Variants in SORCS2 observed in about 807,000 individuals in gnomAD.
The protein encoded by SORCS2 is VPS10 domain-containing receptor SorCS2.
SORCS2 carries 100 observed loss-of-function variants against 141.6 expected under a neutral mutation model. The observed-to-expected ratio is 0.71, with a 90% confidence interval of 0.60 to 0.83. SORCS2 has a LOEUF of 0.83. Ranked by LOEUF, SORCS2 falls within the 40% of genes least tolerant of loss-of-function variation. The pLI is 0.00. For synonymous variants in SORCS2, 789 were observed against 676.9 expected, an observed-to-expected ratio of 1.17 and a Z score of -2.57; for missense variants, 1,646 against 1,560.2, an observed-to-expected ratio of 1.05 and a Z score of -0.93.
Position 7,571,322 on chromosome 4 carries a change from GAGA to G in SORCS2, c.648+39699_648+39701del, listed in dbSNP as rs1715376521. On this transcript the variant is annotated intron_variant, in intron 3 of 26. Transcript: ENST00000507866. ...AGAAGCAGGACCCCTGTGCCCGGTG[GAGA>G]AGAAGGGAAAGGGCATCCTGGGTGG... Among the ~76,000 whole-genome samples the G allele has an allele frequency of 2.0e-5, 3 of 152,224 alleles. 1 individual carries two copies. The South Asian group carries it at 6.2e-4, about 32-fold the overall frequency.
chr4:7,707,667 G>A (rs1360235621), intron 14 of SORCS2, among the ~76,000 whole-genome samples: 1 of 152,230 alleles, frequency 6.6e-6, no homozygotes, highest in African/African-American at 2.4e-5. Flanking sequence ...GCTCCAGGAG[G>A]GACTGGTTCT....
intron 3 of SORCS2, among the ~76,000 whole-genome samples, chr4:7,565,520 A>G (rs1291210084): frequency 6.6e-6 from 1 of 152,226 alleles, no homozygotes; most frequent in African/African-American, 2.4e-5. Context: ...GATGATGATT[A>G]TGATAAAGAA....
At chr4:7,694,816 G>A (rs1345785075) in intron 11 of SORCS2, among the ~76,000 whole-genome samples, 4 of 152,078 alleles carry the variant, frequency 2.6e-5, no homozygotes, top group Non-Finnish European at 4.4e-5. Flanking sequence ...GCACCTGCCC[G>A]GGTCCACATT....
intron 2 of SORCS2, among the ~76,000 whole-genome samples, chr4:7,403,721 C>T (rs1168898974): frequency 2.0e-5 from 3 of 151,274 alleles, no homozygotes; most frequent in Non-Finnish European, 2.9e-5. Flanking sequence ...TCATTTAATT[C>T]CATAATCTTT....
intron 1 of SORCS2, among the ~76,000 whole-genome samples, chr4:7,274,630 T>A (rs1053013883): frequency 6.6e-6 from 1 of 152,176 alleles, no homozygotes; most frequent in Non-Finnish European, 1.5e-5. Flanking sequence ...TCTGTCCCCA[T>A]GATCCAATCA....
At chr4:7,707,046 C>T (rs1373968244) in intron 14 of SORCS2, among the ~76,000 whole-genome samples, 2 of 152,198 alleles carry the variant, frequency 1.3e-5, no homozygotes, top group Non-Finnish European at 2.9e-5. Context: ...GTACCTTGAG[C>T]AAAACCTGTG....
rs1722389955 is a variant in SORCS2 at position 7,664,601 on chromosome 4, C to T, written c.1071+130C>T. 1.5e-6 allele frequency: 1 copy of T among 662,302 alleles called. No individual in the cohort carries two copies. Among genetic ancestry groups the T allele is most frequent in the Non-Finnish European group, 2.6e-6 (1 of 387,918 alleles). The allele number at this position is 662,302 out of a possible 1,614,324, so 41.0% of individuals were successfully genotyped here. A position where few individuals can be genotyped will look rare whatever the true frequency, so the allele number is the denominator to read the frequency against. Reference sequence around the variant, plus strand: ...TATTTCACTCTCAAATGCTACTTCGCAGGTCACGGTTTCTGACCGTGGCTG... The same window carrying T: ...TATTTCACTCTCAAATGCTACTTCGTAGGTCACGGTTTCTGACCGTGGCTG... On this transcript the variant is annotated intron_variant, in intron 7 of 26. Coordinates refer to ENST00000507866, the MANE Select transcript of SORCS2 (RefSeq NM_020777.3). This position sits in a 1 kb window ranked among gnomAD's most constrained non-coding sequence, Gnocchi z 4.7.
chr4:7,725,421 C>A, intron 20 of SORCS2, 134 bp downstream of exon 20: 3 of 1,309,008 alleles, frequency 2.3e-6, no homozygotes, highest in Non-Finnish European at 2.0e-6. Flanking sequence ...TTGGGCCCCT[C>A]CTGGGGCAGT....
intron 2 of SORCS2, among the ~76,000 whole-genome samples, chr4:7,496,400 A>G (rs1731617589): frequency 6.7e-6 from 1 of 149,216 alleles, no homozygotes; most frequent in African/African-American, 2.5e-5. Flanking sequence ...GCCCCCAGGA[A>G]TTAGAACTTT....
At chr4:7,360,796 C>G (rs3916115) in intron 1 of SORCS2, among the ~76,000 whole-genome samples, 150,642 of 151,620 alleles carry the variant, frequency 0.99, 74,845 homozygotes, top group Middle Eastern at 1. Context: ...TGTTGCCAAG[C>G]CTGGTCTCGA....
Position 7,704,225 on chromosome 4 carries a change from C to T in SORCS2, c.1809C>T (p.Ser603=). ...CCTGGAGCACGCACAACTTCACCAG[C>T]ACCTCGGTGTTTGTGGACGGGCTGC... is the stretch of plus-strand genomic sequence containing the variant. ...GLTWSTHNFT[S]TSVFVDGLLS... Residue 603 remains serine, a synonymous_variant, in exon 14 of 27, where the codon AGC becomes AGT. Coordinates refer to ENST00000507866, the MANE Select transcript of SORCS2 (RefSeq NM_020777.3). 1 of 1,613,238 alleles carries T rather than the reference C, an allele frequency of 6.2e-7. No homozygotes were observed. The highest frequency in any genetic ancestry group is 8.5e-7 in the Non-Finnish European group (1 of 1,179,700).
In SORCS2 at chr4:7,407,676, T is replaced by C. The variant is rs113140036; in HGVS notation, c.548+11321T>C. The stretch of plus-strand genomic sequence containing the variant: ...ATTGGAAAATCGAGGTCACTTACAT[T>C]CAGTACTATTATTCATAAGTAAGGA... On this transcript the variant is annotated intron_variant, in intron 2 of 26. Coordinates refer to ENST00000507866, the MANE Select transcript of SORCS2 (RefSeq NM_020777.3). 3.2e-3 allele frequency among the ~76,000 whole-genome samples: 492 copies of C among 152,252 alleles called. 2 individuals carry two copies. Among genetic ancestry groups the C allele is most frequent in the Non-Finnish European group, 4.4e-3 (297 of 67,974 alleles).
At chr4:7,354,565 G>T (rs561308685) in intron 1 of SORCS2, among the ~76,000 whole-genome samples, 1 of 152,374 alleles carries the variant, frequency 6.6e-6, no homozygotes, top group African/African-American at 2.4e-5. Context: ...CTCTGAGCTC[G>T]TGTCCTCTTT....
intron 2 of SORCS2, among the ~76,000 whole-genome samples, chr4:7,401,763 C>T (rs1724608370): frequency 6.6e-6 from 1 of 152,162 alleles, no homozygotes; most frequent in African/African-American, 2.4e-5. Context: ...TGCATTTGAC[C>T]TCAAGCAGGA....
intron 3 of SORCS2, among the ~76,000 whole-genome samples, chr4:7,560,509 C>T (rs963071117): frequency 6.6e-6 from 1 of 152,122 alleles, no homozygotes; most frequent in Non-Finnish European, 1.5e-5. Context: ...TCCCGGGAAC[C>T]ATGTGGAAGA....
Position 7,491,228 on chromosome 4 carries a change from C to T in SORCS2, c.549-40302C>T, listed in dbSNP as rs563206203. 1.4e-4 allele frequency among the ~76,000 whole-genome samples: 22 copies of T among 152,318 alleles called. No homozygotes were observed. In the South Asian group the frequency reaches 4.3e-3, roughly 30 times the overall value. ...GCCTTGGCACATGCTGTTCCCTTTG[C>T]CCTCTCACCTGAGTAACCCATGCTC... On this transcript the variant is annotated intron_variant, in intron 2 of 26. Coordinates refer to ENST00000507866, the MANE Select transcript of SORCS2 (RefSeq NM_020777.3).
chr4:7,472,600 C>A (rs1211282333), intron 2 of SORCS2, among the ~76,000 whole-genome samples: 1 of 152,142 alleles, frequency 6.6e-6, no homozygotes, highest in Non-Finnish European at 1.5e-5. Flanking sequence ...CCTCCTGCCC[C>A]CTGCCGAATG....
At chr4:7,466,539 G>A (rs779687896) in intron 2 of SORCS2, among the ~76,000 whole-genome samples, 16 of 152,146 alleles carry the variant, frequency 1.1e-4, no homozygotes, top group Admixed American at 7.9e-4. Flanking sequence ...CACTCACCTG[G>A]CCTCACGTCC....
intron 26 of SORCS2, among the ~76,000 whole-genome samples, chr4:7,739,662 C>T (rs933842846): frequency 2.6e-5 from 4 of 152,138 alleles, no homozygotes; most frequent in African/African-American, 9.7e-5. Flanking sequence ...GCCGCGGGTG[C>T]TCCCAGCCGT....
Sources: gnomAD v4.1 joint callset for allele counts (sites outside exome capture counted in the v4.1 genomes callset) on GRCh38, gnomAD v4.1.1 for gene constraint, Gnocchi (gnomAD v3.1) non-coding constraint, MANE v1.5 for transcripts, NCBI Gene and HGNC (gene_info 2026-07-23, HGNC 2026-07-21) for gene names.